CCDC170: variants seen among roughly 807,000 people sequenced by gnomAD.
CCDC170 encodes coiled-coil domain containing 170, also known as coiled-coil domain-containing protein 170.
Under a neutral mutation model 72.6 loss-of-function variants are expected in CCDC170, and 69 were observed. That is an observed-to-expected ratio of 0.95 (90% CI 0.78 to 1.16). CCDC170 has a LOEUF of 1.16. Ranked by LOEUF, CCDC170 falls within the 50% of genes most tolerant of loss-of-function variation. The probability of loss-of-function intolerance (pLI) is 0.00; values close to 1 mark genes in which losing one functional copy is unlikely to be tolerated. For synonymous variants in CCDC170, 300 were observed against 303.9 expected (o/e 0.99, Z 0.13); for missense variants, 852 against 832.5 (o/e 1.02, Z -0.29).
At chr6:151,591,185 G>A (rs1376825871) in intron 7 of CCDC170, among the ~76,000 whole-genome samples, 1 of 152,200 alleles carries the variant, frequency 6.6e-6, no homozygotes, top group Non-Finnish European at 1.5e-5. Flanking sequence ...TTGGCAGGAA[G>A]TTGTACCTAT....
chr6:151,590,242 C>T (rs1156411160), intron 7 of CCDC170, among the ~76,000 whole-genome samples: 2 of 151,994 alleles, frequency 1.3e-5, no homozygotes, highest in East Asian at 3.9e-4. Flanking sequence ...CTTCTTAAGG[C>T]CAGAAAAAAT....
intron 4 of CCDC170, 59 bp downstream of exon 4, chr6:151,544,775 G>A: frequency 2.6e-6 from 4 of 1,535,836 alleles, no homozygotes. Context: ...CATGTGGCAT[G>A]AAAGGAAGTG....
intron 9 of CCDC170, among the ~76,000 whole-genome samples, chr6:151,606,759 CTT>C (rs1776793155): frequency 6.6e-6 from 1 of 152,108 alleles, no homozygotes; most frequent in Non-Finnish European, 1.5e-5. Flanking sequence ...ATTTATCTCT[CTT>C]GTTATCTCTA....
intron 1 of CCDC170, among the ~76,000 whole-genome samples, chr6:151,528,699 G>A (rs1462869569): frequency 1.3e-5 from 2 of 151,964 alleles, no homozygotes; most frequent in Non-Finnish European, 2.9e-5. Flanking sequence ...TTAGCCAAAT[G>A]TGGTGGCGCA....
chr6:151,617,820 G>C, intron 10 of CCDC170, 127 bp from the exon 11 acceptor site: 1 of 741,114 alleles, frequency 1.3e-6, no homozygotes, highest in Non-Finnish European at 2.2e-6. Flanking sequence ...ACTAGGAAGA[G>C]AGTAGATAAT....
intron 1 of CCDC170, among the ~76,000 whole-genome samples, chr6:151,499,400 C>A (rs112350384): frequency 7.2e-5 from 9 of 124,600 alleles, no homozygotes; most frequent in South Asian, 5.3e-4. Context: ...GTATTTGACT[C>A]TTCTAGGCAC....
intron 5 of CCDC170, among the ~76,000 whole-genome samples, chr6:151,569,289 C>T (rs367590631): frequency 2.0e-3 from 297 of 152,258 alleles, no homozygotes; most frequent in Admixed American, 3.5e-3. Context: ...GTTTTTAAAA[C>T]GCAAACCTTT....
At chr6:151,590,061 G>A (rs1776511453) in intron 7 of CCDC170, among the ~76,000 whole-genome samples, 2 of 151,762 alleles carry the variant, frequency 1.3e-5, no homozygotes, top group Admixed American at 1.3e-4. Flanking sequence ...TCACCTGGCA[G>A]CAGCAATCTC....
intron 10 of CCDC170, 84 bp from the exon 11 acceptor site, chr6:151,617,863 A>G (rs1562302061): frequency 7.4e-7 from 1 of 1,357,436 alleles, no homozygotes; most frequent in Non-Finnish European, 1.0e-6. Flanking sequence ...GGTTTTCTAC[A>G]GGTTTTTTGT....
At chr6:151,538,011 GTTTT>G in intron 2 of CCDC170, 30 bp from the exon 3 acceptor site, 1 of 1,374,158 alleles carries the variant, frequency 7.3e-7, no homozygotes, top group Non-Finnish European at 9.9e-7. Context: ...TGTTGTTAAG[GTTTT>G]TTTTTTTTTT....
chr6:151,618,447 G>T lies in CCDC170; in HGVS notation c.*300G>T. ...TAATATTGGGAGGTATCTATTTTAA[G>T]TCAGGGGCTTTACTAGCCGATTTAG... On this transcript the variant is annotated 3_prime_UTR_variant, in exon 11 of 11. Transcript: ENST00000239374. 1 of 348,252 alleles carries T rather than the reference G, an allele frequency of 2.9e-6. No homozygotes were observed. Among genetic ancestry groups the T allele is most frequent in the Non-Finnish European group, 5.3e-6 (1 of 189,416 alleles). 21.6% of individuals were successfully genotyped at this position (348,252 alleles called of 1,614,324 possible).
At chr6:151,584,648 G>T (rs1380279279) in intron 6 of CCDC170, among the ~76,000 whole-genome samples, 1 of 152,082 alleles carries the variant, frequency 6.6e-6, no homozygotes, top group African/African-American at 2.4e-5. Flanking sequence ...ATTTCATGGG[G>T]ATATCTTACT....
chr6:151,561,351 G>C, intron 5 of CCDC170, among the ~76,000 whole-genome samples: 1 of 152,040 alleles, frequency 6.6e-6, no homozygotes, highest in East Asian at 1.9e-4. Context: ...ATAGTCTCAA[G>C]TATTATTCTT....
At chr6:151,567,573 T>C (rs1286534450) in intron 5 of CCDC170, among the ~76,000 whole-genome samples, 8 of 152,222 alleles carry the variant, frequency 5.3e-5, no homozygotes, top group Admixed American at 5.2e-4. Context: ...ATCCTTCATC[T>C]GTCAACAGTT....
At chr6:151,497,512 C>T (rs1237447659) in intron 1 of CCDC170, among the ~76,000 whole-genome samples, 1 of 152,154 alleles carries the variant, frequency 6.6e-6, no homozygotes, top group Non-Finnish European at 1.5e-5. Flanking sequence ...ATGCGATCAC[C>T]AGCACAGCCT....
At chr6:151,580,804 T>A (rs1250038800) in intron 6 of CCDC170, among the ~76,000 whole-genome samples, 7 of 152,212 alleles carry the variant, frequency 4.6e-5, no homozygotes, top group Admixed American at 1.3e-4. Flanking sequence ...CATTGCAACA[T>A]TCTTAATTGG....
chr6:151,539,970 T>C (rs1274699438), intron 3 of CCDC170, among the ~76,000 whole-genome samples: 1 of 152,202 alleles, frequency 6.6e-6, no homozygotes, highest in Admixed American at 6.5e-5. Context: ...AAAACAAATC[T>C]AAATTGTGTC....
intron 5 of CCDC170, among the ~76,000 whole-genome samples, chr6:151,560,790 T>C (rs537077829): frequency 1.3e-5 from 2 of 152,186 alleles, no homozygotes; most frequent in Non-Finnish European, 2.9e-5. Context: ...TTTGCTCTTT[T>C]CTGTTTTCCA....
At chr6:151,583,594 A>G (rs986819489) in intron 6 of CCDC170, among the ~76,000 whole-genome samples, 1 of 152,178 alleles carries the variant, frequency 6.6e-6, no homozygotes, top group Admixed American at 6.5e-5. Context: ...AGTAGCTGGG[A>G]CTACAGGCAT....
Sources: allele counts gnomAD v4.1 joint callset (sites outside exome capture counted in the v4.1 genomes callset), GRCh38; gene constraint gnomAD v4.1.1; transcripts MANE v1.5; gene names NCBI Gene and HGNC (gene_info 2026-07-23, HGNC 2026-07-21).